FAM120C: variants seen among roughly 807,000 people sequenced by gnomAD.
FAM120C encodes family with sequence similarity 120 member C, also known as constitutive coactivator of PPAR-gamma-like protein 2.
Under a neutral mutation model 71.2 loss-of-function variants are expected in FAM120C, and 14 were observed. That is an observed-to-expected ratio of 0.20 (90% CI 0.13 to 0.31). The LOEUF (loss-of-function observed/expected upper bound fraction) is 0.31. Among genes scored for constraint, FAM120C ranks in the 10% least tolerant of loss-of-function variants. FAM120C has a pLI of 1.00. For missense variants in FAM120C, 500 were observed against 879.0 expected (o/e 0.57, Z 5.45); for synonymous variants, 354 against 353.2 (o/e 1.00, Z -0.03).
chrX:54,170,640 T>C (rs782732434), intron 1 of FAM120C, among the ~76,000 whole-genome samples: 3 of 112,261 alleles, frequency 2.7e-5, no homozygotes, highest in African/African-American at 9.7e-5. Context: ...AGTGAACCTA[T>C]GATCAAAGTT....
intron 10 of FAM120C, among the ~76,000 whole-genome samples, chrX:54,104,100 T>C (rs1465079415): frequency 1.8e-5 from 2 of 112,149 alleles, no homozygotes; most frequent in African/African-American, 6.5e-5. Flanking sequence ...TTTGAATGAA[T>C]TTTTGCTAGA....
chrX:54,171,899 G>A (rs1412027529), intron 1 of FAM120C: 1 of 111,865 alleles, frequency 8.9e-6, no homozygotes, highest in Non-Finnish European at 1.9e-5. Context: ...ACTGAGAAAG[G>A]CTAATTGAAC....
At chrX:54,166,377 A>G (rs2067259450) in intron 1 of FAM120C, among the ~76,000 whole-genome samples, 1 of 111,931 alleles carries the variant, frequency 8.9e-6, no homozygotes, top group Non-Finnish European at 1.9e-5. Flanking sequence ...TTCTCCTTTC[A>G]GGGATTTATC....
intron 4 of FAM120C, among the ~76,000 whole-genome samples, chrX:54,146,022 C>T (rs1207758882): frequency 2.7e-5 from 3 of 111,518 alleles, no homozygotes; most frequent in African/African-American, 9.8e-5. Context: ...ATGGATGAAG[C>T]TGGAAACCAT....
chrX:54,138,937 C>T (rs1045192951), intron 4 of FAM120C, among the ~76,000 whole-genome samples: 5 of 111,597 alleles, frequency 4.5e-5, no homozygotes, highest in Non-Finnish European at 9.4e-5. Context: ...TTTATCAAGC[C>T]TTTTCCAAAG....
intron 4 of FAM120C, among the ~76,000 whole-genome samples, chrX:54,136,943 T>TTTATTATTATTATTA (rs200501762): frequency 2.8e-5 from 3 of 107,686 alleles, no homozygotes; most frequent in African/African-American, 1.0e-4. Flanking sequence ...ATTTTATTAT[T>TTTATTATTATTATTA]TTATTATTAT....
intron 2 of FAM120C, among the ~76,000 whole-genome samples, chrX:54,159,010 C>T (rs782082292): frequency 8.9e-6 from 1 of 111,797 alleles, no homozygotes; most frequent in Non-Finnish European, 1.9e-5. Context: ...AATTGAGACA[C>T]TGGGGAAGAA....
At chrX:54,153,406 T>C (rs1168823982) in intron 3 of FAM120C, among the ~76,000 whole-genome samples, 5 of 107,677 alleles carry the variant, frequency 4.6e-5, no homozygotes, top group African/African-American at 1.7e-4. Context: ...CACTGGATAA[T>C]ATATTTTTTT....
intron 10 of FAM120C, among the ~76,000 whole-genome samples, chrX:54,116,248 C>T (rs1308074745): frequency 1.8e-5 from 2 of 111,313 alleles, no homozygotes; most frequent in Non-Finnish European, 3.8e-5. Context: ...ATCAAATACC[C>T]AAGAGTAGAT....
At chrX:54,128,224 A>G (rs1357155725) in intron 9 of FAM120C, among the ~76,000 whole-genome samples, 1 of 109,521 alleles carries the variant, frequency 9.1e-6, no homozygotes, top group Non-Finnish European at 1.9e-5. Context: ...ATGCCCAGCT[A>G]ATTTATTGTG....
intron 10 of FAM120C, among the ~76,000 whole-genome samples, chrX:54,111,471 G>A (rs192280884): frequency 1.8e-5 from 2 of 109,773 alleles, no homozygotes; most frequent in East Asian, 5.7e-4. Flanking sequence ...ATGAAAACCA[G>A]TAGCATTTCT....
At chrX:54,180,132 A>G (rs1359632529) in intron 1 of FAM120C, among the ~76,000 whole-genome samples, 1 of 111,961 alleles carries the variant, frequency 8.9e-6, no homozygotes, top group Non-Finnish European at 1.9e-5. Flanking sequence ...AAAGATTTTG[A>G]CTGATGGGGT....
chrX:54,115,418 T>C lies in FAM120C; in HGVS notation c.2312+1127A>G, dbSNP rs141407969. 5.2e-3 allele frequency among the ~76,000 whole-genome samples: 577 copies of C among 111,947 alleles called. 4 individuals are homozygous for C. The highest frequency in any genetic ancestry group is 0.018 in the African/African-American group (555 of 30,861). ...AAAGATACTACTTGAAAACACTAGATTGGCAAAATTAAGAAGTTTTATGGT... is the reference window on the plus strand; with the variant it reads ...AAAGATACTACTTGAAAACACTAGACTGGCAAAATTAAGAAGTTTTATGGT... On this transcript the variant is annotated intron_variant, in intron 10 of 15. Transcript: ENST00000375180.
intron 10 of FAM120C, among the ~76,000 whole-genome samples, chrX:54,102,540 C>T (rs1396784225): frequency 2.8e-5 from 1 of 35,502 alleles, no homozygotes; most frequent in African/African-American, 9.2e-5. Flanking sequence ...ATAAAGCCAC[C>T]AGTTCCCCTC....
chrX:54,182,592 T>G lies in FAM120C; in HGVS notation c.607A>C (p.Asn203His), dbSNP rs782301239. Reference sequence around the variant, plus strand: ...GCCCGCGGTGGAGGGGTGCCCTTGTTGCCCACGTGTCCCACGATCAGTTGC... The same window carrying G: ...GCCCGCGGTGGAGGGGTGCCCTTGTGGCCCACGTGTCCCACGATCAGTTGC... ...TAQLIVGHVGNKGTPPPRAWF... is the reference protein window; with the variant it reads ...TAQLIVGHVGHKGTPPPRAWF... Residue 203 changes from asparagine (N) to histidine (H), a missense_variant, in exon 1 of 16, where the codon AAC becomes CAC. Coordinates refer to ENST00000375180, the MANE Select transcript of FAM120C (RefSeq NM_017848.6). The G allele has an allele frequency of 1.7e-6, 2 of 1,209,408 alleles. No homozygotes were observed. Among genetic ancestry groups the G allele is most frequent in the South Asian group, 3.5e-5 (2 of 56,526 alleles).
intron 1 of FAM120C, among the ~76,000 whole-genome samples, chrX:54,160,089 G>A (rs782554035): frequency 9.1e-6 from 1 of 110,298 alleles, no homozygotes; most frequent in African/African-American, 3.3e-5. Context: ...TACTTTTTAC[G>A]TCAAACAATA....
intron 9 of FAM120C, among the ~76,000 whole-genome samples, chrX:54,129,419 A>T (rs1396686263): frequency 9.7e-6 from 1 of 103,467 alleles, no homozygotes; most frequent in Non-Finnish European, 2.0e-5. Context: ...ATCTCAGATG[A>T]TGGGCGGCCG....
In FAM120C at chrX:54,068,364, T is replaced by C. The variant is rs1603350546; in HGVS notation, c.*4669A>G. On this transcript the variant is annotated 3_prime_UTR_variant, in exon 16 of 16. Transcript: ENST00000375180. ...TTTTACTAAAAGAATAGATTTTTAT[T>C]AAGCGTTGTAAGTTTCTTTCCATCA... 1 of 112,060 alleles carries C rather than the reference T, an allele frequency of 8.9e-6. No individual in the cohort carries two copies. Among genetic ancestry groups the C allele is most frequent in the East Asian group, 2.8e-4 (1 of 3,576 alleles). The allele number at this position is 112,060 out of a possible 1,213,427, so 9.2% of individuals were successfully genotyped here.
intron 10 of FAM120C, among the ~76,000 whole-genome samples, chrX:54,104,807 C>CGG (rs781889957): frequency 3.8e-5 from 4 of 105,255 alleles, no homozygotes; most frequent in African/African-American, 1.4e-4. Flanking sequence ...GACTCTGTCT[C>CGG]GGGGGGGGAA....
Sources: allele counts gnomAD v4.1 joint callset (sites outside exome capture counted in the v4.1 genomes callset), GRCh38; gene constraint gnomAD v4.1.1; transcripts MANE v1.5; gene names NCBI Gene and HGNC (gene_info 2026-07-23, HGNC 2026-07-21).